The following RBFOX1 variants were observed in gnomAD, a reference collection of about 807,000 sequenced individuals.
RBFOX1 encodes the protein RNA binding fox-1 homolog 1.
In RBFOX1, 8 loss-of-function variants were observed where a neutral mutation model predicts 57.7. That is an observed-to-expected ratio of 0.14 (90% CI 0.08 to 0.25). The LOEUF (loss-of-function observed/expected upper bound fraction) is 0.25, where lower values mean the gene tolerates loss of function less well. Among genes scored for constraint, RBFOX1 ranks in the 10% least tolerant of loss-of-function variants. The pLI is 1.00. For synonymous variants in RBFOX1, 326 were observed against 222.4 expected (o/e 1.47, Z -4.15); for missense variants, 611 against 548.5 (o/e 1.11, Z -1.14).
chr16:6,866,951 C>A (rs569666352), intron 3 of RBFOX1, among the ~76,000 whole-genome samples: 8 of 150,114 alleles, frequency 5.3e-5, no homozygotes, highest in African/African-American at 1.7e-4. Flanking sequence ...ATGACAATAT[C>A]TAAAGGTCAT....
At chr16:5,682,847 T>C (rs2050384611) in intron 3 of RBFOX1, among the ~76,000 whole-genome samples, 1 of 152,226 alleles carries the variant, frequency 6.6e-6, no homozygotes, top group African/African-American at 2.4e-5. Context: ...CTACTTTCTC[T>C]TTAAAAGTGA....
intron 4 of RBFOX1, among the ~76,000 whole-genome samples, chr16:5,995,035 C>T (rs1345180242): frequency 1.3e-5 from 2 of 152,136 alleles, no homozygotes; most frequent in South Asian, 2.1e-4. Flanking sequence ...TTCCCCTTTC[C>T]TACAACCATG....
At chr16:5,613,687 G>T (rs1235382196) in intron 3 of RBFOX1, among the ~76,000 whole-genome samples, 8 of 152,190 alleles carry the variant, frequency 5.3e-5, no homozygotes, top group Non-Finnish European at 1.5e-5. Context: ...ATGGGGCCAG[G>T]TTCCATCACT....
At position 7,685,954 on chromosome 16, in the gene RBFOX1, G is replaced by A. The variant is rs575726224; in HGVS notation, c.995+9116G>A. ...ACACGTGGGTCCTGAATCTCTGTGA[G>A]GTTACTTACTACACGAGATAATTTG... On this transcript the variant is annotated intron_variant, in intron 14 of 15. Transcript: ENST00000550418. Among the ~76,000 whole-genome samples, 23 of 152,172 alleles carry A rather than the reference G, an allele frequency of 1.5e-4. No individual in the cohort carries two copies. In the East Asian group the frequency reaches 4.5e-3, roughly 29 times the overall value.
intron 3 of RBFOX1, among the ~76,000 whole-genome samples, chr16:5,723,644 C>A (rs112577128): frequency 6.6e-6 from 1 of 151,000 alleles, no homozygotes; most frequent in Admixed American, 6.6e-5. Flanking sequence ...GATTTTGAGA[C>A]CTTTGGTCTA....
chr16:7,005,033 A>G (rs1268442475), intron 3 of RBFOX1, among the ~76,000 whole-genome samples: 3 of 152,192 alleles, frequency 2.0e-5, no homozygotes, highest in Non-Finnish European at 4.4e-5. Flanking sequence ...TATCCCAGCT[A>G]CTTGGGAGGC....
chr16:7,377,432 A>T (rs1014903462), intron 4 of RBFOX1, among the ~76,000 whole-genome samples: 3 of 152,246 alleles, frequency 2.0e-5, no homozygotes, highest in Admixed American at 6.5e-5. Context: ...GTTTCTGAAG[A>T]ATCATTTCAT....
At chr16:6,131,885 A>G (rs2096632276) in intron 1 of RBFOX1, among the ~76,000 whole-genome samples, 1 of 152,142 alleles carries the variant, frequency 6.6e-6, no homozygotes, top group South Asian at 2.1e-4. Context: ...GAGGTTAAAG[A>G]TAGGATGAAG....
intron 2 of RBFOX1, among the ~76,000 whole-genome samples, chr16:5,508,350 C>T (rs1431914598): frequency 6.6e-6 from 1 of 152,182 alleles, no homozygotes; most frequent in Non-Finnish European, 1.5e-5. Context: ...CCTGCATCTC[C>T]CCACTCCAAT....
chr16:5,545,708 A>G (rs2045167538), intron 2 of RBFOX1, among the ~76,000 whole-genome samples: 2 of 152,186 alleles, frequency 1.3e-5, no homozygotes, highest in Non-Finnish European at 2.9e-5. Flanking sequence ...TACTTTGATA[A>G]AATATGTCTA....
chr16:5,997,603 G>A (rs183525519), intron 4 of RBFOX1, among the ~76,000 whole-genome samples: 1 of 152,260 alleles, frequency 6.6e-6, no homozygotes, highest in East Asian at 1.9e-4. Context: ...CACTCACATT[G>A]TGCCTCCTGG....
intron 2 of RBFOX1, among the ~76,000 whole-genome samples, chr16:6,542,524 C>G (rs1055782262): frequency 1.9e-5 from 2 of 105,686 alleles, no homozygotes; most frequent in East Asian, 3.1e-4. Flanking sequence ...GAGTCTTGCT[C>G]TGTCACCCAG....
intron 1 of RBFOX1, among the ~76,000 whole-genome samples, chr16:6,130,787 C>G (rs2096624013): frequency 6.6e-6 from 1 of 152,094 alleles, no homozygotes; most frequent in Non-Finnish European, 1.5e-5. Context: ...AGAGACATTT[C>G]AGAATGATCA....
At chr16:6,232,758 C>T (rs956040207) in intron 1 of RBFOX1, among the ~76,000 whole-genome samples, 2 of 152,140 alleles carry the variant, frequency 1.3e-5, no homozygotes, top group Non-Finnish European at 2.9e-5. Flanking sequence ...TTCATTAATG[C>T]AGTGACCTCG....
At chr16:6,695,296 G>A (rs2060850652) in intron 3 of RBFOX1, among the ~76,000 whole-genome samples, 1 of 151,242 alleles carries the variant, frequency 6.6e-6, no homozygotes. Flanking sequence ...GTGAGTGCCT[G>A]TAATAGGTAC....
intron 13 of RBFOX1, among the ~76,000 whole-genome samples, 152 bp downstream of exon 13, chr16:7,665,120 C>T (rs1187513952): frequency 1.3e-5 from 2 of 152,120 alleles, no homozygotes; most frequent in Admixed American, 6.5e-5. Flanking sequence ...GGACAGAAAG[C>T]CTTCTGCTCT....
chr16:5,940,934 G>A (rs537449758), intron 4 of RBFOX1, among the ~76,000 whole-genome samples: 6 of 152,168 alleles, frequency 3.9e-5, no homozygotes, highest in Non-Finnish European at 1.5e-5. Context: ...AGACTGCCTC[G>A]GTTTGAATCT....
chr16:6,861,103 C>G (rs575459076), intron 3 of RBFOX1, among the ~76,000 whole-genome samples: 6 of 152,180 alleles, frequency 3.9e-5, no homozygotes, highest in African/African-American at 1.2e-4. Flanking sequence ...TTTTATGTTG[C>G]AAGCTGCGGG....
intron 2 of RBFOX1, among the ~76,000 whole-genome samples, chr16:6,611,821 C>T (rs962646524): frequency 6.6e-6 from 1 of 152,064 alleles, no homozygotes; most frequent in African/African-American, 2.4e-5. Context: ...CCCTCAGGGC[C>T]CTCCTCCAAG....
Sources: gnomAD v4.1 joint callset for allele counts (sites outside exome capture counted in the v4.1 genomes callset) on GRCh38, gnomAD v4.1.1 for gene constraint, MANE v1.5 for transcripts, NCBI Gene and HGNC (gene_info 2026-07-23, HGNC 2026-07-21) for gene names.